SLC7A2: variants seen among roughly 807,000 people sequenced by gnomAD.
SLC7A2 encodes the protein cationic amino acid transporter 2.
Under a neutral mutation model 58.9 loss-of-function variants are expected in SLC7A2, and 48 were observed. That is an observed-to-expected ratio of 0.82 (90% CI 0.65 to 1.04). SLC7A2 has a LOEUF of 1.04. SLC7A2 is among the 50% of genes least tolerant of loss of function. The pLI is 0.00. For missense variants in SLC7A2, 1,029 were observed against 818.8 expected (o/e 1.26, Z -3.13); for synonymous variants, 363 against 314.5 (o/e 1.15, Z -1.63).
intron 2 of SLC7A2, among the ~76,000 whole-genome samples, chr8:17,508,982 G>A (rs961363388): frequency 1.3e-5 from 2 of 152,102 alleles, no homozygotes; most frequent in Admixed American, 6.5e-5. Flanking sequence ...CTCCTGTGGC[G>A]TGTGTTGGTG....
chr8:17,503,826 C>G (rs1189555948), intron 2 of SLC7A2, among the ~76,000 whole-genome samples: 1 of 152,104 alleles, frequency 6.6e-6, no homozygotes, highest in Non-Finnish European at 1.5e-5. Context: ...AATTCACCAG[C>G]AAGTTTTAAG....
At chr8:17,519,019 A>C (rs1188021795) in intron 2 of SLC7A2, among the ~76,000 whole-genome samples, 1 of 152,078 alleles carries the variant, frequency 6.6e-6, no homozygotes, top group Non-Finnish European at 1.5e-5. Flanking sequence ...TAATTCCATC[A>C]TGGGTGCCCC....
At chr8:17,553,408 C>T (rs546001995) in intron 7 of SLC7A2, among the ~76,000 whole-genome samples, 4 of 152,194 alleles carry the variant, frequency 2.6e-5, no homozygotes. Flanking sequence ...GTGAAGATAC[C>T]GTGCTACCAT....
At chr8:17,560,639 A>T in intron 10 of SLC7A2, 106 bp downstream of exon 10, 1 of 911,708 alleles carries the variant, frequency 1.1e-6, no homozygotes, top group Non-Finnish European at 1.8e-6. Context: ...CCTAGAATAT[A>T]TTAGCAACCA....
chr8:17,564,564 G>T (rs1803173603), intron 12 of SLC7A2, among the ~76,000 whole-genome samples: 1 of 152,136 alleles, frequency 6.6e-6, no homozygotes, highest in Non-Finnish European at 1.5e-5. Flanking sequence ...GTTTGGGGAT[G>T]AAACTATTCC....
intron 2 of SLC7A2, among the ~76,000 whole-genome samples, chr8:17,513,298 C>A (rs1208145961): frequency 1.3e-5 from 2 of 152,146 alleles, no homozygotes; most frequent in Non-Finnish European, 2.9e-5. Flanking sequence ...TTCTGCATAT[C>A]CTCATCAATA....
At chr8:17,536,950 T>TG (rs1801692645) in intron 2 of SLC7A2, among the ~76,000 whole-genome samples, 2 of 152,188 alleles carry the variant, frequency 1.3e-5, no homozygotes, top group South Asian at 4.1e-4. Context: ...CAGCAAGGCC[T>TG]GGGGGGACAG....
chr8:17,508,609 A>G (rs918084862), intron 2 of SLC7A2, among the ~76,000 whole-genome samples: 4 of 152,296 alleles, frequency 2.6e-5, no homozygotes, highest in East Asian at 3.9e-4. Flanking sequence ...CTGTAATCCT[A>G]TCTGCTCAGG....
At chr8:17,540,161 G>T (rs1157315592) in intron 2 of SLC7A2, among the ~76,000 whole-genome samples, 1 of 152,074 alleles carries the variant, frequency 6.6e-6, no homozygotes, top group Non-Finnish European at 1.5e-5. Context: ...ATAAATGTTT[G>T]TTTAAAAATG....
At chr8:17,534,083 A>G (rs1801565032) in intron 2 of SLC7A2, among the ~76,000 whole-genome samples, 1 of 152,204 alleles carries the variant, frequency 6.6e-6, no homozygotes, top group African/African-American at 2.4e-5. Flanking sequence ...GTCCCTGCAA[A>G]GGACATGATC....
chr8:17,537,605 G>A (rs949703429), intron 2 of SLC7A2, among the ~76,000 whole-genome samples: 4 of 152,118 alleles, frequency 2.6e-5, no homozygotes, highest in Admixed American at 2.0e-4. Flanking sequence ...AGGCAGTGGC[G>A]GGATCCCAGG....
chr8:17,554,338 T>C (rs1802586420), intron 7 of SLC7A2, among the ~76,000 whole-genome samples: 2 of 152,196 alleles, frequency 1.3e-5, no homozygotes, highest in South Asian at 4.1e-4. Flanking sequence ...TGCGTACTTA[T>C]CTGTAACAGA....
At chr8:17,530,608 T>G (rs1258181063) in intron 2 of SLC7A2, among the ~76,000 whole-genome samples, 1 of 151,306 alleles carries the variant, frequency 6.6e-6, no homozygotes, top group African/African-American at 2.4e-5. Flanking sequence ...GGTCTCTCTC[T>G]GACACCCAGC....
chr8:17,532,977 G>A (rs1585221187), intron 2 of SLC7A2, among the ~76,000 whole-genome samples: 1 of 152,094 alleles, frequency 6.6e-6, no homozygotes, highest in East Asian at 1.9e-4. Flanking sequence ...CTTGTTTTAA[G>A]GACCTTCAGT....
intron 7 of SLC7A2, among the ~76,000 whole-genome samples, chr8:17,553,516 G>T (rs79657565): frequency 0.014 from 2,183 of 152,302 alleles, 48 homozygotes; most frequent in South Asian, 0.1. Context: ...CACTCTTGTA[G>T]TCCCAGCACT....
At chr8:17,501,500 T>C (rs1281700535) in intron 1 of SLC7A2, among the ~76,000 whole-genome samples, 1 of 152,166 alleles carries the variant, frequency 6.6e-6, no homozygotes, top group African/African-American at 2.4e-5. Flanking sequence ...TTTAGACTTT[T>C]ATTTAGACTT....
intron 2 of SLC7A2, among the ~76,000 whole-genome samples, chr8:17,536,891 G>A (rs929183548): frequency 3.3e-5 from 5 of 152,126 alleles, no homozygotes; most frequent in African/African-American, 1.2e-4. Flanking sequence ...TGCACAGGAG[G>A]TGTGTCCAAA....
At chr8:17,506,758 AT>A (rs11443629) in intron 2 of SLC7A2, among the ~76,000 whole-genome samples, 46,463 of 147,988 alleles carry the variant, frequency 0.31, 7,592 homozygotes, top group African/African-American at 0.41. Flanking sequence ...CTTCTGTGGA[AT>A]TTTTTTTTTT....
At chr8:17,546,472 T>G (rs1032752283) in intron 4 of SLC7A2, among the ~76,000 whole-genome samples, 3 of 152,244 alleles carry the variant, frequency 2.0e-5, no homozygotes, top group Non-Finnish European at 2.9e-5. Context: ...ATGCTCTGCT[T>G]AGATGAGATA....
Sources: allele counts gnomAD v4.1 joint callset (sites outside exome capture counted in the v4.1 genomes callset), GRCh38; gene constraint gnomAD v4.1.1; transcripts MANE v1.5; gene names NCBI Gene and HGNC (gene_info 2026-07-23, HGNC 2026-07-21).